BMERB1: variants seen among roughly 807,000 people sequenced by gnomAD.
BMERB1 encodes the protein bMERB domain-containing protein 1.
Under a neutral mutation model 23.6 loss-of-function variants are expected in BMERB1, and 12 were observed. The observed-to-expected ratio is 0.51, with a 90% CI of 0.33 to 0.82. BMERB1 has a LOEUF of 0.82. Ranked by LOEUF, BMERB1 falls within the 40% of genes least tolerant of loss-of-function variation. The pLI is 0.03. For missense variants in BMERB1, 247 were observed against 255.4 expected (o/e 0.97, Z 0.22); for synonymous variants, 122 against 96.6 (o/e 1.26, Z -1.54).
intron 2 of BMERB1, among the ~76,000 whole-genome samples, chr16:15,545,997 AG>A (rs1235987328): frequency 6.6e-6 from 1 of 151,446 alleles, no homozygotes; most frequent in Non-Finnish European, 1.5e-5. Context: ...GTCAAAGAAG[AG>A]GGTGGGGGCC....
At chr16:15,515,212 G>A (rs1293634907) in intron 1 of BMERB1, 93 bp from the exon 2 acceptor site, 5 of 1,561,308 alleles carry the variant, frequency 3.2e-6, no homozygotes, top group Non-Finnish European at 4.3e-6. Flanking sequence ...TATGATGGTC[G>A]CAGAGCAAGG....
intron 3 of BMERB1, among the ~76,000 whole-genome samples, chr16:15,580,131 C>G (rs1281631885): frequency 2.7e-5 from 4 of 149,948 alleles, no homozygotes; most frequent in African/African-American, 7.4e-5. Flanking sequence ...GGGTCTTTCT[C>G]TGTTACCCAG....
intron 1 of BMERB1, among the ~76,000 whole-genome samples, chr16:15,464,393 C>T (rs911432386): frequency 1.0e-4 from 15 of 150,262 alleles, no homozygotes; most frequent in Non-Finnish European, 1.5e-4. Context: ...GAGGCCAAGG[C>T]GGGAGGATTG....
intron 1 of BMERB1, among the ~76,000 whole-genome samples, chr16:15,461,061 G>GT (rs2051129576): frequency 6.6e-6 from 1 of 150,684 alleles, no homozygotes; most frequent in Admixed American, 6.7e-5. Context: ...GGAGGCAGAG[G>GT]TTGCAGTGAG....
At chr16:15,534,116 C>A (rs1462460713) in intron 2 of BMERB1, among the ~76,000 whole-genome samples, 1 of 151,776 alleles carries the variant, frequency 6.6e-6, no homozygotes, top group African/African-American at 2.4e-5. Context: ...ATTTGAGGAG[C>A]AATACAATGA....
chr16:15,493,797 C>G (rs1393144343), intron 1 of BMERB1, among the ~76,000 whole-genome samples: 1 of 152,178 alleles, frequency 6.6e-6, no homozygotes, highest in Non-Finnish European at 1.5e-5. Context: ...ATTTATCTCT[C>G]CTGTCAAATT....
intron 2 of BMERB1, among the ~76,000 whole-genome samples, chr16:15,540,945 A>G (rs2052072145): frequency 6.6e-6 from 1 of 152,034 alleles, no homozygotes. Flanking sequence ...AAGCAATTCA[A>G]TTCAGCTATC....
intron 1 of BMERB1, among the ~76,000 whole-genome samples, chr16:15,500,895 A>G (rs2051522579): frequency 6.6e-6 from 1 of 151,910 alleles, no homozygotes; most frequent in Non-Finnish European, 1.5e-5. Context: ...CAAGTGATCC[A>G]CCTGCCTCGG....
intron 2 of BMERB1, among the ~76,000 whole-genome samples, chr16:15,523,900 CTG>C: frequency 6.6e-6 from 1 of 152,206 alleles, no homozygotes. Context: ...ATGGGATTCA[CTG>C]TGGTTTCCTT....
intron 1 of BMERB1, among the ~76,000 whole-genome samples, chr16:15,512,364 T>G (rs2051678886): frequency 6.6e-6 from 1 of 152,176 alleles, no homozygotes; most frequent in South Asian, 2.1e-4. Flanking sequence ...CAGGGAAGCC[T>G]GCAAATCACA....
intron 2 of BMERB1, among the ~76,000 whole-genome samples, chr16:15,543,854 T>G (rs2052108325): frequency 6.6e-6 from 1 of 152,132 alleles, no homozygotes; most frequent in South Asian, 2.1e-4. Context: ...TTCAGTTGAA[T>G]ATGTTCCTAA....
At chr16:15,568,481 T>C (rs2030638843) in intron 3 of BMERB1, among the ~76,000 whole-genome samples, 1 of 151,844 alleles carries the variant, frequency 6.6e-6, no homozygotes, top group Non-Finnish European at 1.5e-5. Context: ...CTACTAAAAA[T>C]ACAAAAATTA....
At chr16:15,456,817 T>A (rs1471501824) in intron 1 of BMERB1, among the ~76,000 whole-genome samples, 4 of 152,094 alleles carry the variant, frequency 2.6e-5, no homozygotes. Flanking sequence ...TCCAATTATT[T>A]CCTCTATATA....
intron 4 of BMERB1, among the ~76,000 whole-genome samples, chr16:15,582,263 G>A (rs932537255): frequency 1.3e-5 from 2 of 152,192 alleles, no homozygotes; most frequent in African/African-American, 4.8e-5. Flanking sequence ...GCCGGGCGTG[G>A]TGGTGCATGC....
At chr16:15,466,750 A>G (rs1186783070) in intron 1 of BMERB1, among the ~76,000 whole-genome samples, 1 of 152,040 alleles carries the variant, frequency 6.6e-6, no homozygotes. Flanking sequence ...ATTTAGTTCT[A>G]TACAATTTTA....
chr16:15,514,332 A>T (rs1448755172), intron 1 of BMERB1, among the ~76,000 whole-genome samples: 4 of 152,146 alleles, frequency 2.6e-5, no homozygotes, highest in African/African-American at 9.7e-5. Flanking sequence ...AATTATGATA[A>T]AACTTTCTTC....
intron 1 of BMERB1, among the ~76,000 whole-genome samples, chr16:15,449,305 T>A (rs1192341722): frequency 6.6e-6 from 1 of 152,080 alleles, no homozygotes; most frequent in Non-Finnish European, 1.5e-5. Context: ...CACTTATAAG[T>A]AGAAGCTAAA....
chr16:15,442,741 G>GA (rs376649455), intron 1 of BMERB1, among the ~76,000 whole-genome samples: 148 of 152,298 alleles, frequency 9.7e-4, no homozygotes, highest in African/African-American at 3.4e-3. Context: ...CGAGGTTTCA[G>GA]GGGGTTAAGA....
chr16:15,581,734 C>G (rs2031019139), intron 4 of BMERB1, among the ~76,000 whole-genome samples: 1 of 152,190 alleles, frequency 6.6e-6, no homozygotes, highest in Admixed American at 6.5e-5. Flanking sequence ...TTTGTTCTCC[C>G]CTTTCCCTTC....
Sources: gnomAD v4.1 joint callset for allele counts (sites outside exome capture counted in the v4.1 genomes callset) on GRCh38, gnomAD v4.1.1 for gene constraint, MANE v1.5 for transcripts, NCBI Gene and HGNC (gene_info 2026-07-23, HGNC 2026-07-21) for gene names.